Variants in ELP4 observed in about 807,000 individuals in gnomAD.
ELP4 encodes elongator complex protein 4.
In ELP4, 51 loss-of-function variants were observed where a neutral mutation model predicts 48.9. That is an observed-to-expected ratio of 1.04 (90% CI 0.83 to 1.32). The LOEUF is 1.32. Among genes scored for constraint, ELP4 ranks in the 40% most tolerant of loss-of-function variants. The pLI, the probability that ELP4 is intolerant of heterozygous loss-of-function variation, is 0.00. For synonymous variants in ELP4, 210 were observed against 189.2 expected (o/e 1.11, Z -0.90); for missense variants, 519 against 514.6 (o/e 1.01, Z -0.08).
intron 9 of ELP4, among the ~76,000 whole-genome samples, chr11:31,711,866 A>G (rs1946749425): frequency 6.6e-6 from 1 of 152,186 alleles, no homozygotes; most frequent in Non-Finnish European, 1.5e-5. Flanking sequence ...CTACAATGCC[A>G]TATTAATGAT....
intron 9 of ELP4, among the ~76,000 whole-genome samples, chr11:31,704,300 T>C (rs1368488373): frequency 6.6e-6 from 1 of 152,036 alleles, no homozygotes; most frequent in Non-Finnish European, 1.5e-5. Flanking sequence ...CTTAAAACTA[T>C]GCAGCCATAA....
At chr11:31,596,634 A>G (rs1470861321) in intron 4 of ELP4, among the ~76,000 whole-genome samples, 1 of 152,210 alleles carries the variant, frequency 6.6e-6, no homozygotes, top group Non-Finnish European at 1.5e-5. Context: ...AAAACATGTT[A>G]TAATAGATGC....
intron 3 of ELP4, among the ~76,000 whole-genome samples, chr11:31,584,107 G>T (rs1957434753): frequency 6.6e-6 from 1 of 151,864 alleles, no homozygotes; most frequent in African/African-American, 2.4e-5. Flanking sequence ...CTTAAATGCA[G>T]AAAAAGGCAA....
chr11:31,619,800 T>G (rs936287460), intron 5 of ELP4, among the ~76,000 whole-genome samples: 5 of 152,030 alleles, frequency 3.3e-5, no homozygotes, highest in Non-Finnish European at 7.4e-5. Flanking sequence ...TTATTTTTCC[T>G]GATCCTCTCC....
At chr11:31,647,925 A>G (rs2134070400) in intron 8 of ELP4, 76 bp downstream of exon 8, 3 of 795,440 alleles carry the variant, frequency 3.8e-6, no homozygotes, top group Non-Finnish European at 6.7e-6. Flanking sequence ...TATTCAATCC[A>G]AATATCTACT....
At chr11:31,578,009 CTGTT>C (rs747228802) in intron 3 of ELP4, among the ~76,000 whole-genome samples, 7 of 152,200 alleles carry the variant, frequency 4.6e-5, no homozygotes, top group Non-Finnish European at 1.0e-4. Context: ...CATATTGTCT[CTGTT>C]TGCAGATGAT....
At chr11:31,759,760 G>A (rs900221301) in intron 9 of ELP4, among the ~76,000 whole-genome samples, 4 of 150,324 alleles carry the variant, frequency 2.7e-5, no homozygotes, top group African/African-American at 9.8e-5. Context: ...AGGCTGGAGT[G>A]CAGTGGCACG....
intron 9 of ELP4, among the ~76,000 whole-genome samples, chr11:31,760,155 C>G (rs959410646): frequency 3.3e-5 from 5 of 152,158 alleles, no homozygotes; most frequent in African/African-American, 1.2e-4. Flanking sequence ...AAACTCCCAA[C>G]AAATTACATA....
intron 9 of ELP4, among the ~76,000 whole-genome samples, chr11:31,703,206 C>T (rs1295479608): frequency 6.6e-6 from 1 of 152,104 alleles, no homozygotes; most frequent in Non-Finnish European, 1.5e-5. Context: ...AGGCCTTGCA[C>T]CAGTGGCATA....
intron 9 of ELP4, among the ~76,000 whole-genome samples, chr11:31,673,424 G>T (rs943774923): frequency 2.0e-5 from 3 of 152,076 alleles, no homozygotes; most frequent in African/African-American, 7.2e-5. Context: ...TCAAATTCCT[G>T]GGCTCTACAT....
chr11:31,627,131 A>T lies in ELP4; in HGVS notation c.675A>T (p.Thr225=). ...VEPCSLTPGY[T]KLLQFIQNII... Reference sequence around the variant, plus strand: ...ACAGTTCTTTGACCCCTGGCTACACAAAGCTGCTTCAGTTTATCCAGAACA... The same window carrying T: ...ACAGTTCTTTGACCCCTGGCTACACTAAGCTGCTTCAGTTTATCCAGAACA... Residue 225 remains threonine (T), a synonymous_variant, in exon 6 of 10, where the codon ACA becomes ACT. Transcript: ENST00000640961. 1 of 1,608,748 alleles carries T rather than the reference A, an allele frequency of 6.2e-7. No homozygotes were observed. Among genetic ancestry groups the T allele is most frequent in the African/African-American group, 1.3e-5 (1 of 74,848 alleles).
chr11:31,523,717 A>G (rs1336141962), intron 2 of ELP4, among the ~76,000 whole-genome samples: 2 of 151,376 alleles, frequency 1.3e-5, no homozygotes, highest in East Asian at 1.9e-4. Context: ...AATTAATAAA[A>G]TCAAAAATTG....
intron 7 of ELP4, chr11:31,645,591 A>C (rs1376173196): frequency 1.3e-5 from 2 of 151,760 alleles, no homozygotes; most frequent in African/African-American, 2.4e-5. Context: ...ACAAAAATTG[A>C]CTTGTATCAT....
chr11:31,648,854 ACTAGTATG>A (rs1945262178), intron 8 of ELP4: 1 of 151,644 alleles, frequency 6.6e-6, no homozygotes, highest in South Asian at 2.1e-4. Flanking sequence ...GGTTCTAATG[ACTAGTATG>A]CTTTCTGTTA....
chr11:31,627,361 C>T (rs1259760735), intron 6 of ELP4, among the ~76,000 whole-genome samples, 167 bp downstream of exon 6: 1 of 151,864 alleles, frequency 6.6e-6, no homozygotes, highest in Non-Finnish European at 1.5e-5. Flanking sequence ...CTTAGTTTGA[C>T]TGTTACTGTG....
intron 2 of ELP4, among the ~76,000 whole-genome samples, chr11:31,521,963 A>G (rs1956220662): frequency 6.6e-6 from 1 of 152,142 alleles, no homozygotes; most frequent in Non-Finnish European, 1.5e-5. Context: ...CCAGTCATTT[A>G]CTTACATCAA....
At chr11:31,675,140 AATC>A (rs1440730853) in intron 9 of ELP4, among the ~76,000 whole-genome samples, 2 of 152,174 alleles carry the variant, frequency 1.3e-5, no homozygotes, top group African/African-American at 2.4e-5. Context: ...ATGTAGGAAA[AATC>A]ATCACTGTCA....
At chr11:31,598,481 C>CCTTT (rs1240406190) in intron 4 of ELP4, among the ~76,000 whole-genome samples, 1 of 139,664 alleles carries the variant, frequency 7.2e-6, no homozygotes, top group Non-Finnish European at 1.6e-5. Context: ...GTACACTTTT[C>CCTTT]CTTTTTTTTT....
intron 9 of ELP4, among the ~76,000 whole-genome samples, chr11:31,743,574 G>C (rs1947508526): frequency 6.6e-6 from 1 of 151,994 alleles, no homozygotes; most frequent in South Asian, 2.1e-4. Flanking sequence ...AATAAAACTA[G>C]AACTCAGGAT....
Sources: gnomAD v4.1 joint callset for allele counts (sites outside exome capture counted in the v4.1 genomes callset) on GRCh38, gnomAD v4.1.1 for gene constraint, MANE v1.5 for transcripts, NCBI Gene and HGNC (gene_info 2026-07-23, HGNC 2026-07-21) for gene names.